GNB1: variants seen among roughly 807,000 people sequenced by gnomAD.
GNB1 encodes the protein G protein subunit beta 1, also known as guanine nucleotide-binding protein G(I)/G(S)/G(T) subunit beta-1.
GNB1 carries 2 observed loss-of-function variants against 42.9 expected under a neutral mutation model. That is an observed-to-expected ratio of 0.05 (90% CI 0.02 to 0.15). GNB1 has a LOEUF of 0.15. GNB1 is among the 10% of genes least tolerant of loss of function. The pLI, the probability that GNB1 is intolerant of heterozygous loss-of-function variation, is 1.00. For missense variants in GNB1, 193 were observed against 462.2 expected (o/e 0.42, Z 5.34); for synonymous variants, 183 against 174.7 (o/e 1.05, Z -0.38).
At chr1:1,890,128 C>G (rs1650397951) in intron 1 of GNB1, among the ~76,000 whole-genome samples, 1 of 152,002 alleles carries the variant, frequency 6.6e-6, no homozygotes, top group Admixed American at 6.5e-5. Flanking sequence ...ACGCGCGGGG[C>G]GCCAGCGCCG....
At chr1:1,862,631 G>C (rs539348736) in intron 1 of GNB1, among the ~76,000 whole-genome samples, 3 of 151,854 alleles carry the variant, frequency 2.0e-5, no homozygotes, top group African/African-American at 7.2e-5. Flanking sequence ...CCCGATTTTT[G>C]TAATTTTTGT....
In GNB1 at chr1:1,825,265, C is replaced by T. The variant is rs536270769; in HGVS notation, c.57+132G>A. On this transcript the variant is annotated intron_variant, in intron 3 of 11. Transcript: ENST00000378609. Reference sequence around the variant, plus strand: ...GTATCTAGATCTATAATTAGTACATCCTGGGCCAACTAAGATTCAATTTCA... The same window carrying T: ...GTATCTAGATCTATAATTAGTACATTCTGGGCCAACTAAGATTCAATTTCA... The T allele has an allele frequency of 2.6e-4, 185 of 723,764 alleles. 1 individual carries two copies. Among genetic ancestry groups the T allele is most frequent in the Middle Eastern group, 2.2e-3 (9 of 4,114 alleles). The allele number at this position is 723,764 out of a possible 1,614,324, so 44.8% of individuals were successfully genotyped here.
intron 7 of GNB1, among the ~76,000 whole-genome samples, chr1:1,804,155 G>A (rs2100694286): frequency 6.6e-6 from 1 of 152,014 alleles, no homozygotes; most frequent in Non-Finnish European, 1.5e-5. Flanking sequence ...AAATTAGCTG[G>A]GCGTGGTGGT....
At chr1:1,838,468 G>A (rs1312111070) in intron 2 of GNB1, among the ~76,000 whole-genome samples, 10 of 144,432 alleles carry the variant, frequency 6.9e-5, no homozygotes, top group African/African-American at 1.0e-4. Flanking sequence ...TTTTTGAGAC[G>A]GAGTCTCGCT....
At chr1:1,800,753 T>TAAAAAAAAAAA (rs943269814) in intron 7 of GNB1, among the ~76,000 whole-genome samples, 1 of 115,322 alleles carries the variant, frequency 8.7e-6, no homozygotes, top group African/African-American at 3.2e-5. Flanking sequence ...TTTAGATTGT[T>TAAAAAAAAAAA]AAAAAAAAAA....
rs1332565193 is a variant in GNB1, at chr1:1,790,557, C to T, written c.537G>A (p.Thr179=). Residue 179 remains threonine (T), a synonymous_variant, in exon 9 of 12, where the codon ACG becomes ACA. Transcript: ENST00000378609. This position sits in a 1 kb window ranked among gnomAD's most constrained non-coding sequence, Gnocchi z 5.4. ...TGACATCTCCAGTGTGTCCGGTAAA[C>T]GTGGTCGTCTGCTGGCCGGTCTCGA... The part of the protein sequence containing the change: ...WDIETGQQTT[T]FTGHTGDVMS... The T allele has an allele frequency of 6.8e-6, 11 of 1,613,680 alleles. No homozygotes were observed. Among genetic ancestry groups the T allele is most frequent in the African/African-American group, 1.3e-5 (1 of 74,890 alleles).
At chr1:1,835,922 G>GAAAA (rs59271649) in intron 2 of GNB1, among the ~76,000 whole-genome samples, 38 of 88,678 alleles carry the variant, frequency 4.3e-4, no homozygotes, top group Non-Finnish European at 5.4e-4. Context: ...ATTAAAAAAA[G>GAAAA]AAAAAAAAAA....
chr1:1,843,667 A>G (rs1647450089), intron 1 of GNB1, among the ~76,000 whole-genome samples: 1 of 152,154 alleles, frequency 6.6e-6, no homozygotes, highest in South Asian at 2.1e-4. Context: ...TAAAAACAAG[A>G]TGACCCAAAT....
chr1:1,808,285 G>A (rs1267589364), intron 5 of GNB1, among the ~76,000 whole-genome samples: 4 of 152,132 alleles, frequency 2.6e-5, no homozygotes, highest in African/African-American at 4.8e-5. Flanking sequence ...TATTACAAGC[G>A]TTGAGCCACT....
intron 1 of GNB1, among the ~76,000 whole-genome samples, chr1:1,878,083 A>C (rs1649645606): frequency 6.6e-6 from 1 of 152,192 alleles, no homozygotes. Flanking sequence ...CCAACTGTCT[A>C]ATCTCCCTGT....
intron 1 of GNB1, among the ~76,000 whole-genome samples, chr1:1,878,856 A>G (rs1488974354): frequency 6.6e-6 from 1 of 151,796 alleles, no homozygotes; most frequent in Non-Finnish European, 1.5e-5. Context: ...GACTCTCCTC[A>G]CCCCACTGGA....
At chr1:1,837,570 TG>T (rs1647169675) in intron 2 of GNB1, among the ~76,000 whole-genome samples, 1 of 150,796 alleles carries the variant, frequency 6.6e-6, no homozygotes, top group Admixed American at 6.6e-5. Context: ...TTTTTGTTTT[TG>T]TTTTTTTGAC....
At chr1:1,803,439 G>A (rs907767598) in intron 7 of GNB1, among the ~76,000 whole-genome samples, 68 of 152,180 alleles carry the variant, frequency 4.5e-4, no homozygotes, top group African/African-American at 1.4e-3. Context: ...GTGTGCCACT[G>A]TGCGTGGCTG....
intron 1 of GNB1, among the ~76,000 whole-genome samples, chr1:1,888,982 G>GT (rs778570290): frequency 4.6e-5 from 7 of 152,140 alleles, no homozygotes; most frequent in Non-Finnish European, 7.3e-5. Flanking sequence ...AGCAAAGAAG[G>GT]AACCGCCTAT....
intron 1 of GNB1, among the ~76,000 whole-genome samples, chr1:1,877,777 T>G (rs1027266419): frequency 6.6e-6 from 1 of 152,114 alleles, no homozygotes; most frequent in African/African-American, 2.4e-5. Context: ...GACTGCCTGT[T>G]GGGGAGTTTA....
chr1:1,816,991 T>C (rs909593132), intron 4 of GNB1, among the ~76,000 whole-genome samples: 1 of 152,126 alleles, frequency 6.6e-6, no homozygotes, highest in Non-Finnish European at 1.5e-5. Flanking sequence ...TACAGTTCAG[T>C]GGCATTTAGT....
At chr1:1,824,764 G>A (rs760754778) in intron 3 of GNB1, among the ~76,000 whole-genome samples, 10 of 151,952 alleles carry the variant, frequency 6.6e-5, no homozygotes, top group Admixed American at 1.3e-4. Context: ...GTAGAGATGG[G>A]GGTTTCACTA....
At chr1:1,832,117 G>C (rs1303093940) in intron 2 of GNB1, 1 of 149,560 alleles carries the variant, frequency 6.7e-6, no homozygotes. Context: ...TTTAAAGAAA[G>C]ATAGAATAGC....
intron 3 of GNB1, among the ~76,000 whole-genome samples, chr1:1,823,223 C>T (rs2100967697): frequency 8.9e-6 from 1 of 112,244 alleles, no homozygotes; most frequent in African/African-American, 3.5e-5. Flanking sequence ...GCCTGGGGAA[C>T]AGGGCGAGAC....
Sources: allele counts gnomAD v4.1 joint callset (sites outside exome capture counted in the v4.1 genomes callset), GRCh38; gene constraint gnomAD v4.1.1; non-coding constraint Gnocchi (gnomAD v3.1); transcripts MANE v1.5; gene names NCBI Gene and HGNC (gene_info 2026-07-23, HGNC 2026-07-21).